Variants in TNPO3 observed in about 807,000 individuals in gnomAD.
TNPO3 encodes transportin-3.
A neutral mutation model predicts 122.8 loss-of-function variants in TNPO3; 65 were observed. The ratio of observed to expected loss-of-function variants is 0.53; its 90% CI spans 0.43 to 0.65. The LOEUF (loss-of-function observed/expected upper bound fraction) is 0.65. Ranked by LOEUF, TNPO3 falls within the 30% of genes least tolerant of loss-of-function variation. The pLI is 0.00. For missense variants in TNPO3, 850 were observed against 1,136.7 expected, an observed-to-expected ratio of 0.75 and a Z score of 3.63; for synonymous variants, 372 against 411.2, an observed-to-expected ratio of 0.90 and a Z score of 1.15.
chr7:129,005,851 G>A (rs1802525010), intron 4 of TNPO3, among the ~76,000 whole-genome samples: 3 of 145,258 alleles, frequency 2.1e-5, no homozygotes, highest in Admixed American at 7.2e-5. Context: ...CCACAATCTC[G>A]GCTCGCTGCA....
chr7:128,990,217 A>C (rs762401110), intron 10 of TNPO3, 117 bp from the exon 11 acceptor site: 5 of 1,080,240 alleles, frequency 4.6e-6, no homozygotes, highest in Non-Finnish European at 5.7e-6. Context: ...ACAACCATTA[A>C]GATAAAAGTA....
intron 19 of TNPO3, among the ~76,000 whole-genome samples, chr7:128,971,330 G>T (rs1317485896): frequency 6.6e-6 from 1 of 152,078 alleles, no homozygotes; most frequent in African/African-American, 2.4e-5. Flanking sequence ...ATTTTTAGTA[G>T]AGACAGGGTT....
intron 1 of TNPO3, among the ~76,000 whole-genome samples, chr7:129,039,686 C>T (rs532462828): frequency 3.3e-5 from 5 of 152,254 alleles, no homozygotes; most frequent in Admixed American, 2.6e-4. Flanking sequence ...TGTCCACTGA[C>T]CAATGAATGG....
chr7:128,968,887 A>C (rs1798178142), intron 20 of TNPO3, among the ~76,000 whole-genome samples: 2 of 149,688 alleles, frequency 1.3e-5, no homozygotes, highest in Non-Finnish European at 3.0e-5. Flanking sequence ...ATTAAAAAGA[A>C]AAAAAATTTT....
chr7:128,977,061 T>C (rs1375543630), intron 16 of TNPO3, among the ~76,000 whole-genome samples: 6 of 152,138 alleles, frequency 3.9e-5, no homozygotes, highest in African/African-American at 9.7e-5. Context: ...TATAGCTCAG[T>C]AAAACATTAA....
At chr7:128,975,377 C>A (rs1449390691) in intron 17 of TNPO3, among the ~76,000 whole-genome samples, 1 of 152,152 alleles carries the variant, frequency 6.6e-6, no homozygotes, top group Non-Finnish European at 1.5e-5. Context: ...ACTCAATATT[C>A]CCCTCTGTGG....
chr7:129,040,011 T>C (rs1344534402), intron 1 of TNPO3, among the ~76,000 whole-genome samples: 1 of 152,130 alleles, frequency 6.6e-6, no homozygotes, highest in African/African-American at 2.4e-5. Context: ...TCCCAACACT[T>C]TGGGAGACCG....
At chr7:128,983,437 C>T (rs1799835794) in intron 13 of TNPO3, among the ~76,000 whole-genome samples, 2 of 152,092 alleles carry the variant, frequency 1.3e-5, no homozygotes, top group Admixed American at 6.6e-5. Context: ...CTCCGGACCT[C>T]AAATGATCCA....
chr7:128,980,487 A>AATCCCAGCT (rs1336582851), intron 14 of TNPO3, among the ~76,000 whole-genome samples: 1 of 152,134 alleles, frequency 6.6e-6, no homozygotes, highest in African/African-American at 2.4e-5. Flanking sequence ...GCATGCCTGT[A>AATCCCAGCT]ATCCCAGCTA....
At chr7:129,050,528 AACCAGGCT>A (rs1304305394) in intron 1 of TNPO3, among the ~76,000 whole-genome samples, 1 of 152,172 alleles carries the variant, frequency 6.6e-6, no homozygotes, top group Non-Finnish European at 1.5e-5. Flanking sequence ...GACTCTGAGC[AACCAGGCT>A]ACTACTCTCC....
intron 1 of TNPO3, among the ~76,000 whole-genome samples, chr7:129,036,677 G>A (rs923315121): frequency 1.3e-5 from 2 of 151,966 alleles, no homozygotes; most frequent in African/African-American, 4.8e-5. Flanking sequence ...GGCTTTATAA[G>A]GTGTATTTCT....
At position 128,986,716 on chromosome 7, in the gene TNPO3, A is replaced by T. The variant is rs1800196875; in HGVS notation, c.1690+13T>A. The stretch of plus-strand genomic sequence containing the variant: ...TTTGAGGTGACTATTAGTGGTTAAC[A>T]TCAAGTGAGTACCTTTTAGCAAGCC... On this transcript the variant is annotated intron_variant, in intron 12 of 22. Transcript: ENST00000265388. 6.2e-7 allele frequency: 1 copy of T among 1,605,980 alleles called. No individual in the cohort carries two copies. Among genetic ancestry groups the T allele is most frequent in the Non-Finnish European group, 8.5e-7 (1 of 1,176,538 alleles).
At chr7:129,029,780 T>C (rs1419081472) in intron 1 of TNPO3, 2 of 151,954 alleles carry the variant, frequency 1.3e-5, no homozygotes, top group African/African-American at 4.8e-5. Flanking sequence ...CCCAGCACTT[T>C]GGGAGGCTGA....
chr7:129,030,362 C>A (rs1805786259), intron 1 of TNPO3: 1 of 212,076 alleles, frequency 4.7e-6, no homozygotes, highest in Non-Finnish European at 9.4e-6. Flanking sequence ...CAGAGGCCAA[C>A]AATCTACATG....
intron 1 of TNPO3, among the ~76,000 whole-genome samples, chr7:129,046,015 C>T: frequency 6.6e-6 from 1 of 151,872 alleles, no homozygotes; most frequent in Admixed American, 6.6e-5. Context: ...CTGGCTAACA[C>T]AGTGAAACCC....
chr7:128,967,427 A>T, intron 20 of TNPO3, 35 bp from the exon 21 acceptor site: 2 of 1,425,760 alleles, frequency 1.4e-6, no homozygotes, highest in Non-Finnish European at 2.0e-6. Context: ...TTTTAAAAGG[A>T]AGCATAGCTT....
intron 9 of TNPO3, among the ~76,000 whole-genome samples, 167 bp from the exon 10 acceptor site, chr7:128,992,257 T>A (rs1340313813): frequency 6.6e-6 from 1 of 152,158 alleles, no homozygotes; most frequent in African/African-American, 2.4e-5. Context: ...CATCACTAAC[T>A]AGGAGTAACT....
chr7:128,978,634 A>G (rs1799318428), intron 16 of TNPO3, among the ~76,000 whole-genome samples: 1 of 152,116 alleles, frequency 6.6e-6, no homozygotes. Flanking sequence ...TTTCATCAGC[A>G]AAGTTTTTGT....
intron 3 of TNPO3, among the ~76,000 whole-genome samples, chr7:129,015,373 GA>G (rs200722722): frequency 2.3e-5 from 2 of 88,428 alleles, no homozygotes. Context: ...GTCCTAACAT[GA>G]AAAAAAGTCC....
Sources: allele counts gnomAD v4.1 joint callset (sites outside exome capture counted in the v4.1 genomes callset), GRCh38; gene constraint gnomAD v4.1.1; transcripts MANE v1.5; gene names NCBI Gene and HGNC (gene_info 2026-07-23, HGNC 2026-07-21).